MYO9A: variants seen among roughly 807,000 people sequenced by gnomAD.
MYO9A encodes the protein myosin IXA.
A neutral mutation model predicts 293.3 loss-of-function variants in MYO9A; 103 were observed. That is an observed-to-expected ratio of 0.35 (90% CI 0.30 to 0.41). The LOEUF is 0.41. Ranked by LOEUF, MYO9A falls within the 10% of genes least tolerant of loss-of-function variation. The probability of loss-of-function intolerance (pLI) is 1.00; values close to 1 mark genes in which losing one functional copy is unlikely to be tolerated. For missense variants in MYO9A, 2,685 were observed against 3,033.0 expected (o/e 0.89, Z 2.69); for synonymous variants, 1,001 against 1,035.7 (o/e 0.97, Z 0.64).
rs2055518689 is a variant in MYO9A at position 71,849,091 on chromosome 15, AT to A, written c.6714-124del. 3.2e-6 allele frequency: 3 copies of A among 936,624 alleles called. No individual in the cohort carries two copies. The Admixed American group carries it at 1.0e-4, about 32-fold the overall frequency. The allele number at this position is 936,624 out of a possible 1,614,324, so 58.0% of individuals were successfully genotyped here. On this transcript the variant is annotated intron_variant, in intron 38 of 41. Coordinates refer to ENST00000356056, the MANE Select transcript of MYO9A (RefSeq NM_006901.4). ...GGAAAAAATTAACATCCCTTACTTGATAAACTCAGAGACAAGGTTTAGAATG... is the reference window on the plus strand; with the variant it reads ...GGAAAAAATTAACATCCCTTACTTGAAAACTCAGAGACAAGGTTTAGAATG...
chr15:71,842,937 CGGGGGGT>C (rs2055225245), intron 39 of MYO9A, among the ~76,000 whole-genome samples: 1 of 149,494 alleles, frequency 6.7e-6, no homozygotes, highest in Non-Finnish European at 1.5e-5. Context: ...GTGTATGGGG[CGGGGGGT>C]GGTGAGGATC....
chr15:72,081,337 A>G (rs1331814059), intron 1 of MYO9A, among the ~76,000 whole-genome samples: 2 of 152,198 alleles, frequency 1.3e-5, no homozygotes, highest in Non-Finnish European at 2.9e-5. Flanking sequence ...GTTTTTCCAC[A>G]TGCTTGTTGG....
chr15:71,953,456 GAAT>G (rs1453453941), intron 14 of MYO9A, among the ~76,000 whole-genome samples: 1 of 152,110 alleles, frequency 6.6e-6, no homozygotes, highest in Non-Finnish European at 1.5e-5. Context: ...AATAATTCAA[GAAT>G]ATTATGTGTT....
chr15:71,939,894 T>G (rs2058732257), intron 15 of MYO9A, among the ~76,000 whole-genome samples: 1 of 152,142 alleles, frequency 6.6e-6, no homozygotes, highest in South Asian at 2.1e-4. Flanking sequence ...AAAAACTGAT[T>G]CGACTAATAA....
chr15:72,068,994 T>TA (rs1333754474), intron 1 of MYO9A, among the ~76,000 whole-genome samples: 1 of 152,214 alleles, frequency 6.6e-6, no homozygotes, highest in Non-Finnish European at 1.5e-5. Context: ...TGTCTAAGGT[T>TA]ACAGGCCAGT....
chr15:72,045,354 C>T (rs2078353676), intron 2 of MYO9A: 1 of 159,274 alleles, frequency 6.3e-6, no homozygotes. Context: ...ACCTCTGCCT[C>T]CCAGGTTCAA....
intron 1 of MYO9A, among the ~76,000 whole-genome samples, chr15:72,093,883 T>C (rs1198510760): frequency 3.0e-5 from 1 of 33,778 alleles, no homozygotes; most frequent in African/African-American, 4.6e-5. Flanking sequence ...TGAGACTCCA[T>C]CTCAAAAAAA....
intron 1 of MYO9A, among the ~76,000 whole-genome samples, chr15:72,101,956 C>G (rs1440608680): frequency 1.3e-5 from 2 of 150,450 alleles, no homozygotes; most frequent in African/African-American, 4.9e-5. Context: ...TGAGGAGCCC[C>G]TCTGCCCGGC....
intron 9 of MYO9A, among the ~76,000 whole-genome samples, chr15:71,995,110 G>T (rs1354006312): frequency 6.6e-6 from 1 of 152,146 alleles, no homozygotes. Flanking sequence ...AAAGATAAGA[G>T]AAACAAAATG....
chr15:72,022,519 C>CAA (rs113771556), intron 4 of MYO9A, among the ~76,000 whole-genome samples: 19 of 127,276 alleles, frequency 1.5e-4, no homozygotes, highest in African/African-American at 4.9e-4. Flanking sequence ...GACTCTGTCT[C>CAA]AAAAAAAAAA....
At chr15:71,906,927 T>A (rs1265145083) in intron 19 of MYO9A, among the ~76,000 whole-genome samples, 1 of 149,926 alleles carries the variant, frequency 6.7e-6, no homozygotes, top group African/African-American at 2.5e-5. Context: ...CACACCCGGC[T>A]AATTTTTTTT....
At chr15:71,888,664 C>T (rs1453214753) in intron 26 of MYO9A, 5 of 152,138 alleles carry the variant, frequency 3.3e-5, no homozygotes, top group Non-Finnish European at 5.9e-5. Flanking sequence ...CAAACTGTGA[C>T]CTGATTTTTA....
At chr15:71,925,655 C>T (rs75515655) in intron 18 of MYO9A, among the ~76,000 whole-genome samples, 2 of 151,126 alleles carry the variant, frequency 1.3e-5, no homozygotes, top group South Asian at 2.2e-4. Context: ...CATACAAATA[C>T]GCTAGACTTT....
chr15:71,916,520 C>A, intron 18 of MYO9A, 28 bp from the exon 19 acceptor site: 1 of 1,586,448 alleles, frequency 6.3e-7, no homozygotes, highest in South Asian at 1.2e-5. Context: ...ATAAATTGCT[C>A]ACATAAATTA....
chr15:72,071,611 C>T (rs2150178960), intron 1 of MYO9A, among the ~76,000 whole-genome samples: 1 of 152,122 alleles, frequency 6.6e-6, no homozygotes, highest in Non-Finnish European at 1.5e-5. Context: ...CATGGTAGCA[C>T]ACGGCTGTAA....
At chr15:71,978,752 C>T (rs926638486) in intron 11 of MYO9A, among the ~76,000 whole-genome samples, 1 of 149,044 alleles carries the variant, frequency 6.7e-6, no homozygotes, top group Non-Finnish European at 1.5e-5. Flanking sequence ...ACACACTAAA[C>T]TTTGGCAAAA....
At chr15:72,067,683 A>G (rs1380676483) in intron 1 of MYO9A, among the ~76,000 whole-genome samples, 1 of 152,198 alleles carries the variant, frequency 6.6e-6, no homozygotes, top group African/African-American at 2.4e-5. Flanking sequence ...GACTATAACC[A>G]AAACATGAAT....
chr15:71,921,385 T>G (rs570295312), intron 18 of MYO9A, among the ~76,000 whole-genome samples: 5 of 152,344 alleles, frequency 3.3e-5, no homozygotes, highest in African/African-American at 1.2e-4. Context: ...TCAAGAGGTT[T>G]GATGGAAAGG....
chr15:71,878,171 C>T lies in MYO9A; in HGVS notation c.5800G>A (p.Glu1934Lys). The T allele has an allele frequency of 6.2e-7, 1 of 1,612,090 alleles. No individual in the cohort carries two copies. The highest frequency in any genetic ancestry group is 8.5e-7 in the Non-Finnish European group (1 of 1,179,434). ...CGCTGCTCAAGCCTCATCGTCTTTT[C>T]CAGAATCTGTTCAAATAGTGCATAG... is the stretch of plus-strand genomic sequence containing the variant. ...DLYALFEQIL[E>K]KTMRLEQRDS... is the part of the protein sequence containing the mutation. The change falls in exon 31 of 42, where the codon GAA becomes AAA. Residue 1934 changes from glutamate (E) to lysine (K), a missense_variant. Physicochemically the swap from Glu to Lys is moderately conservative, Grantham distance 56. Around this residue, in one of 10 missense-constraint regions of MYO9A, gnomAD observed 1,434 missense variants for 1,497.7 expected, o/e 0.96. Coordinates refer to ENST00000356056, the MANE Select transcript of MYO9A (RefSeq NM_006901.4).
Sources: gnomAD v4.1 joint callset for allele counts (sites outside exome capture counted in the v4.1 genomes callset) on GRCh38, gnomAD v4.1.1 for gene constraint, gnomAD v4.1.1 regional missense constraint, MANE v1.5 for transcripts, NCBI Gene and HGNC (gene_info 2026-07-23, HGNC 2026-07-21) for gene names.